The following DMD variants were observed in gnomAD, a reference collection of about 807,000 sequenced individuals.
DMD encodes dystrophin.
DMD carries 63 observed loss-of-function variants against 330.1 expected under a neutral mutation model. The ratio of observed to expected loss-of-function variants is 0.19; its 90% confidence interval spans 0.16 to 0.24. The LOEUF (loss-of-function observed/expected upper bound fraction) is 0.24. Among genes scored for constraint, DMD ranks in the 10% least tolerant of loss-of-function variants. The probability of loss-of-function intolerance (pLI) is 1.00; values close to 1 mark genes in which losing one functional copy is unlikely to be tolerated. For missense variants in DMD, 3,344 were observed against 2,684.1 expected (o/e 1.25, Z -5.43); for synonymous variants, 1,223 against 959.8 (o/e 1.27, Z -5.07).
intron 2 of DMD, among the ~76,000 whole-genome samples, chrX:32,998,675 T>C (rs1270621242): frequency 9.0e-6 from 1 of 110,899 alleles, no homozygotes; most frequent in Non-Finnish European, 1.9e-5. Context: ...AAATGCTACA[T>C]ATATATTCTA....
chrX:32,984,371 CAG>C (rs2092789180), intron 2 of DMD, among the ~76,000 whole-genome samples: 1 of 112,386 alleles, frequency 8.9e-6, no homozygotes, highest in Non-Finnish European at 1.9e-5. Flanking sequence ...TCTCCTGCCT[CAG>C]CCTCCCAAGT....
chrX:31,527,889 C>G (rs774359259), intron 55 of DMD, among the ~76,000 whole-genome samples: 9 of 111,459 alleles, frequency 8.1e-5, no homozygotes, highest in African/African-American at 2.6e-4. Flanking sequence ...TTAGCCTTTC[C>G]AAAACTTTGA....
At chrX:32,233,223 C>A (rs73619039) in intron 43 of DMD, among the ~76,000 whole-genome samples, 1,503 of 111,792 alleles carry the variant, frequency 0.013, 23 homozygotes, top group African/African-American at 0.046. Flanking sequence ...CCATGCACTT[C>A]CCCTTGCCTT....
At chrX:32,295,962 G>A (rs929501551) in intron 42 of DMD, among the ~76,000 whole-genome samples, 1 of 112,038 alleles carries the variant, frequency 8.9e-6, no homozygotes, top group Admixed American at 9.4e-5. Context: ...AGTAATATCT[G>A]ACAAATTGAA....
At chrX:31,232,206 G>T (rs1414701875) in intron 63 of DMD, among the ~76,000 whole-genome samples, 2 of 109,509 alleles carry the variant, frequency 1.8e-5, no homozygotes, top group Admixed American at 9.8e-5. Flanking sequence ...CACAGATAAG[G>T]CCTGACAGGT....
chrX:32,802,856 C>A (rs1361451672), intron 7 of DMD, among the ~76,000 whole-genome samples: 1 of 111,794 alleles, frequency 8.9e-6, no homozygotes, highest in African/African-American at 3.3e-5. Flanking sequence ...TTTTGATGTG[C>A]TGCTGGATTC....
intron 1 of DMD, among the ~76,000 whole-genome samples, chrX:33,271,060 A>G (rs1883481): frequency 0.12 from 12,853 of 111,218 alleles, 830 homozygotes; most frequent in East Asian, 0.27. Context: ...TATTTTCTCG[A>G]AGATCTTAAA....
At chrX:33,295,693 G>T (rs2053573782) in intron 1 of DMD, among the ~76,000 whole-genome samples, 1 of 111,341 alleles carries the variant, frequency 9.0e-6, no homozygotes, top group Non-Finnish European at 1.9e-5. Context: ...AACTGGTTAT[G>T]CAATAAACAT....
At chrX:31,587,919 C>T (rs149336752) in intron 55 of DMD, among the ~76,000 whole-genome samples, 2,175 of 111,572 alleles carry the variant, frequency 0.019, 51 homozygotes, top group African/African-American at 0.063. Flanking sequence ...AAACAGGACA[C>T]GTCCTAAATC....
chrX:32,844,859 G>C lies in DMD; in HGVS notation c.188C>G (p.Pro63Arg), dbSNP rs1183396783. The change falls in exon 4 of 79, where the codon CCA (proline) becomes CGA (arginine). Residue 63 changes from proline (P) to arginine (R), a missense_variant and splice_region_variant. Pro to Arg is a moderately radical substitution (Grantham distance 103, BLOSUM62 -2). Transcript: ENST00000357033. Reference sequence around the variant, plus strand: ...AACTCTTGTGGATCCTTTTTCTTTTGGCTGAGAACAAAACAAAAGAGTGTT... The same window carrying C: ...AACTCTTGTGGATCCTTTTTCTTTTCGCTGAGAACAAAACAAAAGAGTGTT... ...LLEGLTGQKL[P>R]KEKGSTRVHA... is the part of the protein sequence containing the mutation. The C allele has an allele frequency of 5.8e-6, 7 of 1,205,204 alleles. No homozygotes were observed.
intron 47 of DMD, among the ~76,000 whole-genome samples, chrX:31,897,494 CCACACCGACTTCCACAATGGTT>C (rs1397213905): frequency 1.0e-5 from 1 of 98,255 alleles, no homozygotes; most frequent in Non-Finnish European, 2.0e-5. Flanking sequence ...TGAGGAATCG[CCACACCGACTTCCACAATGGTT>C]GAACTAGTTT....
chrX:32,657,514 A>G (rs1409991398), intron 9 of DMD, among the ~76,000 whole-genome samples: 1 of 111,830 alleles, frequency 8.9e-6, no homozygotes, highest in East Asian at 2.8e-4. Flanking sequence ...GGATGAGGAA[A>G]TCCAAGTCAC....
intron 2 of DMD, among the ~76,000 whole-genome samples, chrX:32,909,216 T>A (rs1205293161): frequency 2.8e-5 from 3 of 106,091 alleles, no homozygotes; most frequent in African/African-American, 1.0e-4. Flanking sequence ...AAAATCAGTA[T>A]ACACAGGTAG....
chrX:32,464,359 T>C (rs1304127771), intron 24 of DMD, among the ~76,000 whole-genome samples: 3 of 110,512 alleles, frequency 2.7e-5, no homozygotes, highest in African/African-American at 9.9e-5. Flanking sequence ...GAATGTTCTA[T>C]GGACTGTACG....
chrX:32,014,506 A>G (rs1236730671), intron 44 of DMD, among the ~76,000 whole-genome samples: 2 of 111,597 alleles, frequency 1.8e-5, no homozygotes, highest in Non-Finnish European at 3.8e-5. Context: ...TTTTATTCCA[A>G]CCATTATGCT....
At chrX:31,998,651 G>A (rs898585850) in intron 44 of DMD, among the ~76,000 whole-genome samples, 8 of 111,381 alleles carry the variant, frequency 7.2e-5, no homozygotes, top group South Asian at 3.7e-4. Context: ...GGATCACGTC[G>A]TAACCTGACC....
chrX:32,733,042 G>T (rs1339528811), intron 7 of DMD, among the ~76,000 whole-genome samples: 2 of 109,508 alleles, frequency 1.8e-5, no homozygotes, highest in African/African-American at 6.8e-5. Context: ...GACACACATA[G>T]GCTCAAAATA....
chrX:31,753,685 A>C (rs2088802319), intron 51 of DMD, among the ~76,000 whole-genome samples: 1 of 111,871 alleles, frequency 8.9e-6, no homozygotes, highest in African/African-American at 3.2e-5. Context: ...GAAAAATCAA[A>C]TTCTGAATTT....
intron 9 of DMD, among the ~76,000 whole-genome samples, chrX:32,672,548 T>C (rs1336773990): frequency 9.0e-6 from 1 of 110,833 alleles, no homozygotes; most frequent in Non-Finnish European, 1.9e-5. Context: ...CCCAATCCCA[T>C]GCATAAGTCC....
Sources: allele counts gnomAD v4.1 joint callset (sites outside exome capture counted in the v4.1 genomes callset), GRCh38; gene constraint gnomAD v4.1.1; transcripts MANE v1.5; gene names NCBI Gene and HGNC (gene_info 2026-07-23, HGNC 2026-07-21).